The following MAP4K3 variants were observed in gnomAD, a reference collection of about 807,000 sequenced individuals.
The protein encoded by MAP4K3 is mitogen-activated protein kinase kinase kinase kinase 3, also known as MAPK/ERK kinase kinase kinase 3.
MAP4K3 carries 94 observed loss-of-function variants against 143.5 expected under a neutral mutation model. The observed-to-expected ratio is 0.65, with a 90% CI of 0.55 to 0.78. The LOEUF is 0.78. Among genes scored for constraint, MAP4K3 ranks in the 30% least tolerant of loss-of-function variants. The pLI is 0.00. For synonymous variants in MAP4K3, 416 were observed against 347.2 expected (o/e 1.20, Z -2.20); for missense variants, 1,077 against 1,068.1 (o/e 1.01, Z -0.12).
chr2:39,369,198 T>TTTGTTTG lies in MAP4K3; in HGVS notation c.154+8867_154+8868insCAAACAA, dbSNP rs1416465801. On this transcript the variant is annotated intron_variant, in intron 2 of 33. Coordinates refer to ENST00000263881, the MANE Select transcript of MAP4K3 (RefSeq NM_003618.4). ...AAATCTAAACCTTTGGGCTAGTTTT[T>TTTGTTTG]TTTTTTGTTTTTTTTGAGATGCAGT... Among the ~76,000 whole-genome samples the TTTGTTTG allele has an allele frequency of 3.2e-3, 193 of 59,840 alleles. 5 individuals carry two copies. Among genetic ancestry groups the TTTGTTTG allele is most frequent in the African/African-American group, 9.5e-3 (187 of 19,626 alleles). 39.3% of individuals were successfully genotyped at this position (59,840 alleles called of 152,430 possible). A position where few individuals can be genotyped will look rare whatever the true frequency, so the allele number is the denominator to read the frequency against.
At position 39,377,978 on chromosome 2, in the gene MAP4K3, AG is replaced by A. The variant is rs1189652782; in HGVS notation, c.154+87del. 19 of 813,058 alleles carry A rather than the reference AG, an allele frequency of 2.3e-5. No individual in the cohort carries two copies. In the East Asian group the frequency reaches 5.0e-4, roughly 21 times the overall value. The allele number at this position is 813,058 out of a possible 1,614,324, so 50.4% of individuals were successfully genotyped here. On this transcript the variant is annotated intron_variant, in intron 2 of 33. Transcript: ENST00000263881. ...TATCCCAGATGTTGGGGAAAACAAG[AG>A]AATGTTAACCAAACATCATTAAAAT...
At chr2:39,280,754 T>TTA (rs1681482417) in intron 22 of MAP4K3, among the ~76,000 whole-genome samples, 1 of 152,188 alleles carries the variant, frequency 6.6e-6, no homozygotes, top group African/African-American at 2.4e-5. Context: ...TGTTTGGTTT[T>TTA]ATGAGCCTAA....
chr2:39,309,336 G>C, intron 14 of MAP4K3, 125 bp downstream of exon 14: 1 of 658,786 alleles, frequency 1.5e-6, no homozygotes, highest in Non-Finnish European at 2.5e-6. Flanking sequence ...TGTTGACCAG[G>C]CTGGGACCTC....
At chr2:39,345,921 CAAAAAAAAAAAAAA>C (rs66729858) in intron 3 of MAP4K3, among the ~76,000 whole-genome samples, 4 of 15,850 alleles carry the variant, frequency 2.5e-4, no homozygotes, top group South Asian at 2.2e-3. Flanking sequence ...GACTCTGTCT[CAAAAAAAAAAAAAA>C]AAAAAAAAAA....
chr2:39,356,547 G>C (rs1312034448), intron 2 of MAP4K3, among the ~76,000 whole-genome samples: 1 of 152,168 alleles, frequency 6.6e-6, no homozygotes, highest in African/African-American at 2.4e-5. Context: ...GTGCTTAAAA[G>C]CATGAACTCT....
intron 2 of MAP4K3, among the ~76,000 whole-genome samples, chr2:39,375,924 T>C (rs1666205662): frequency 6.6e-6 from 1 of 152,232 alleles, no homozygotes; most frequent in African/African-American, 2.4e-5. Flanking sequence ...TTGTTTTTAT[T>C]GTTGAATAGT....
intron 4 of MAP4K3, among the ~76,000 whole-genome samples, chr2:39,342,964 A>C (rs1558656627): frequency 6.6e-6 from 1 of 152,332 alleles, no homozygotes; most frequent in East Asian, 1.9e-4. Flanking sequence ...ATCATTTTTG[A>C]ATCCCTCGGA....
intron 1 of MAP4K3, among the ~76,000 whole-genome samples, chr2:39,392,674 T>A (rs1666699008): frequency 6.6e-6 from 1 of 152,186 alleles, no homozygotes; most frequent in African/African-American, 2.4e-5. Flanking sequence ...AATGTAATAG[T>A]ATTGGCAGGT....
chr2:39,336,644 C>A (rs988180855), intron 6 of MAP4K3, among the ~76,000 whole-genome samples: 1 of 151,994 alleles, frequency 6.6e-6, no homozygotes, highest in African/African-American at 2.4e-5. Flanking sequence ...TAAGCTTACT[C>A]TGCATTTTAC....
intron 1 of MAP4K3, among the ~76,000 whole-genome samples, chr2:39,427,394 A>G (rs1273599849): frequency 2.6e-5 from 4 of 152,142 alleles, no homozygotes; most frequent in Admixed American, 6.5e-5. Context: ...ATGAAGGAAT[A>G]TAAGGCCAAG....
intron 2 of MAP4K3, among the ~76,000 whole-genome samples, chr2:39,364,797 G>T (rs573686337): frequency 1.8e-4 from 27 of 151,708 alleles, no homozygotes; most frequent in African/African-American, 6.5e-4. Context: ...AAACCCAGGA[G>T]GCAGAGCTTG....
At chr2:39,434,821 T>C (rs1256462303) in intron 1 of MAP4K3, among the ~76,000 whole-genome samples, 1 of 152,238 alleles carries the variant, frequency 6.6e-6, no homozygotes, top group Admixed American at 6.5e-5. Flanking sequence ...AGAAAAATCT[T>C]ATAGTGCCTG....
chr2:39,413,364 A>C (rs967747488), intron 1 of MAP4K3, among the ~76,000 whole-genome samples: 2 of 152,134 alleles, frequency 1.3e-5, no homozygotes, highest in Admixed American at 1.3e-4. Context: ...CATTCCCCTT[A>C]ATGTCTCTCC....
At chr2:39,365,014 G>A (rs180968660) in intron 2 of MAP4K3, among the ~76,000 whole-genome samples, 1 of 152,216 alleles carries the variant, frequency 6.6e-6, no homozygotes, top group East Asian at 1.9e-4. Flanking sequence ...AAAAAGACCT[G>A]GAAAGGAAAA....
At chr2:39,370,396 G>A (rs999101081) in intron 2 of MAP4K3, among the ~76,000 whole-genome samples, 4 of 152,242 alleles carry the variant, frequency 2.6e-5, no homozygotes, top group East Asian at 3.9e-4. Context: ...AACACTCAAG[G>A]GAGATGGGAA....
At chr2:39,289,877 G>A (rs1276886769) in intron 19 of MAP4K3, among the ~76,000 whole-genome samples, 1 of 152,154 alleles carries the variant, frequency 6.6e-6, no homozygotes, top group African/African-American at 2.4e-5. Flanking sequence ...CTGAGGTCAG[G>A]AGTTTGAGCC....
chr2:39,398,915 A>G (rs547452408), intron 1 of MAP4K3, among the ~76,000 whole-genome samples: 12 of 151,442 alleles, frequency 7.9e-5, no homozygotes, highest in African/African-American at 2.9e-4. Flanking sequence ...GTGGTGGTGC[A>G]CACCTATAGC....
intron 5 of MAP4K3, 64 bp from the exon 6 acceptor site, chr2:39,337,031 T>G: frequency 1.4e-6 from 1 of 736,578 alleles, no homozygotes; most frequent in South Asian, 1.6e-5. Flanking sequence ...TTGGATTTTA[T>G]GTAATCAAAT....
intron 2 of MAP4K3, among the ~76,000 whole-genome samples, chr2:39,377,201 CTTTTT>C (rs56149359): frequency 9.0e-6 from 1 of 110,588 alleles, no homozygotes; most frequent in Non-Finnish European, 1.9e-5. Context: ...GCTATTTGGC[CTTTTT>C]TTTTTTTTTA....
Sources: allele counts gnomAD v4.1 joint callset (sites outside exome capture counted in the v4.1 genomes callset), GRCh38; gene constraint gnomAD v4.1.1; transcripts MANE v1.5; gene names NCBI Gene and HGNC (gene_info 2026-07-23, HGNC 2026-07-21).